The following TMTC2 variants were observed in gnomAD, a reference collection of about 807,000 sequenced individuals.
TMTC2 encodes transmembrane O-mannosyltransferase targeting cadherins 2, also known as protein O-mannosyl-transferase TMTC2.
TMTC2 carries 43 observed loss-of-function variants against 82.4 expected under a neutral mutation model. The ratio of observed to expected loss-of-function variants is 0.52; its 90% confidence interval spans 0.41 to 0.67. TMTC2 has a LOEUF of 0.67. Ranked by LOEUF, TMTC2 falls within the 30% of genes least tolerant of loss-of-function variation. The pLI, the probability that TMTC2 is intolerant of heterozygous loss-of-function variation, is 0.00. For missense variants in TMTC2, 919 were observed against 1,012.4 expected (o/e 0.91, Z 1.25); for synonymous variants, 408 against 381.9 (o/e 1.07, Z -0.80).
Position 82,985,934 on chromosome 12 carries a change from A to G in TMTC2, c.1958A>G (p.Tyr653Cys). 2 of 1,613,694 alleles carry G rather than the reference A, an allele frequency of 1.2e-6. No homozygotes were observed. The highest frequency in any genetic ancestry group is 1.1e-5 in the South Asian group (1 of 91,064). The change falls in exon 8 of 12, where the codon TAT becomes TGT. Residue 653 changes from tyrosine (Y) to cysteine (C), a missense_variant. Coordinates refer to ENST00000321196, the MANE Select transcript of TMTC2 (RefSeq NM_152588.3). ...QSLYNMMGEAYMRLSKLPEAE... is the reference protein window; with the variant it reads ...QSLYNMMGEACMRLSKLPEAE... ...TTAATTCTCTTTCCAGGTGAAGCATATATGCGTTTAAGCAAACTCCCCGAA... is the reference window on the plus strand; with the variant it reads ...TTAATTCTCTTTCCAGGTGAAGCATGTATGCGTTTAAGCAAACTCCCCGAA...
chr12:82,832,648 A>G (rs1869817225), intron 1 of TMTC2, among the ~76,000 whole-genome samples: 1 of 152,204 alleles, frequency 6.6e-6, no homozygotes, highest in Non-Finnish European at 1.5e-5. Flanking sequence ...GCTTAGCCAA[A>G]AAACAAACAC....
chr12:82,789,134 CA>C (rs1878330570), intron 1 of TMTC2, among the ~76,000 whole-genome samples: 1 of 152,154 alleles, frequency 6.6e-6, no homozygotes, highest in Non-Finnish European at 1.5e-5. Context: ...ATGGCTTCCT[CA>C]AGTCTCCAGA....
intron 7 of TMTC2, among the ~76,000 whole-genome samples, chr12:82,975,132 T>C (rs377099689): frequency 3.9e-5 from 6 of 152,284 alleles, no homozygotes; most frequent in African/African-American, 1.4e-4. Flanking sequence ...CGGCCTAATA[T>C]CTTTTAGTTC....
chr12:82,990,673 A>C (rs1879361402), intron 8 of TMTC2, among the ~76,000 whole-genome samples: 1 of 152,028 alleles, frequency 6.6e-6, no homozygotes, highest in Non-Finnish European at 1.5e-5. Context: ...GATATGGGGC[A>C]GGGGGTGAGT....
At chr12:82,944,548 G>T (rs1360003919) in intron 4 of TMTC2, among the ~76,000 whole-genome samples, 1 of 132,694 alleles carries the variant, frequency 7.5e-6, no homozygotes, top group African/African-American at 2.9e-5. Context: ...CTGCACTCCA[G>T]CCTGGGTGAC....
intron 2 of TMTC2, among the ~76,000 whole-genome samples, chr12:82,871,655 AGTG>A (rs1242822890): frequency 6.7e-6 from 1 of 148,602 alleles, no homozygotes; most frequent in Non-Finnish European, 1.5e-5. Context: ...GACAGAAAGT[AGTG>A]GTGTCTAAGT....
At chr12:82,948,721 ATC>A (rs1310771514) in intron 4 of TMTC2, among the ~76,000 whole-genome samples, 2 of 152,230 alleles carry the variant, frequency 1.3e-5, no homozygotes, top group Non-Finnish European at 2.9e-5. Flanking sequence ...ATTGCACTAA[ATC>A]TCTGTGTGCC....
chr12:82,754,356 A>G (rs1036132743), intron 1 of TMTC2, among the ~76,000 whole-genome samples: 30 of 152,348 alleles, frequency 2.0e-4, no homozygotes, highest in Admixed American at 4.6e-4. Context: ...TATAAGAAGT[A>G]TAATAGCTAT....
chr12:82,697,655 A>G (rs1303957565), intron 1 of TMTC2, among the ~76,000 whole-genome samples: 1 of 152,212 alleles, frequency 6.6e-6, no homozygotes, highest in African/African-American at 2.4e-5. Context: ...TTGAAATCCT[A>G]GGCGATGATC....
chr12:82,687,749 C>T lies in TMTC2; in HGVS notation c.83+80C>T. 6 of 1,378,740 alleles carry T rather than the reference C, an allele frequency of 4.4e-6. No homozygotes were observed. In the East Asian group the frequency reaches 9.4e-5, roughly 22 times the overall value. The allele number at this position is 1,378,740 out of a possible 1,614,324, so 85.4% of individuals were successfully genotyped here. A position where few individuals can be genotyped will look rare whatever the true frequency, so the allele number is the denominator to read the frequency against. On this transcript the variant is annotated intron_variant, in intron 1 of 11. Coordinates refer to ENST00000321196, the MANE Select transcript of TMTC2 (RefSeq NM_152588.3). The stretch of plus-strand genomic sequence containing the variant: ...CTCTGAAGCTTCCCTCTTTAAGGCT[C>T]AAAGTGCGTCTTGGAGGAACTGGTT...
chr12:82,806,810 G>C (rs999866016), intron 1 of TMTC2, among the ~76,000 whole-genome samples: 6 of 152,086 alleles, frequency 3.9e-5, no homozygotes, highest in Admixed American at 1.3e-4. Flanking sequence ...GGAAGAAGAG[G>C]GGGGTTGGTC....
chr12:83,000,274 A>T (rs143943764), intron 8 of TMTC2, among the ~76,000 whole-genome samples: 1 of 152,160 alleles, frequency 6.6e-6, no homozygotes, highest in Non-Finnish European at 1.5e-5. Context: ...AGCTGGGACT[A>T]CAGGTGTATG....
intron 1 of TMTC2, among the ~76,000 whole-genome samples, chr12:82,699,724 A>T (rs1353953438): frequency 6.6e-6 from 1 of 152,150 alleles, no homozygotes; most frequent in Non-Finnish European, 1.5e-5. Context: ...AATTATAAAA[A>T]ATGTCTTTCA....
chr12:82,850,769 G>A (rs1392264129), intron 1 of TMTC2, among the ~76,000 whole-genome samples: 2 of 151,618 alleles, frequency 1.3e-5, no homozygotes, highest in Non-Finnish European at 2.9e-5. Context: ...TAAACATGAT[G>A]AAAATAACAC....
chr12:82,828,002 C>G (rs1276524869), intron 1 of TMTC2, among the ~76,000 whole-genome samples: 1 of 151,228 alleles, frequency 6.6e-6, no homozygotes, highest in Non-Finnish European at 1.5e-5. Flanking sequence ...AAACAATTCT[C>G]CTGTCTCCGC....
At chr12:83,052,235 T>A (rs1203676358) in intron 10 of TMTC2, among the ~76,000 whole-genome samples, 8 of 151,792 alleles carry the variant, frequency 5.3e-5, no homozygotes, top group African/African-American at 7.2e-5. Flanking sequence ...AGAAGGACTA[T>A]TTTTTTTAGC....
At chr12:83,044,200 C>T (rs1882003245) in intron 9 of TMTC2, among the ~76,000 whole-genome samples, 1 of 152,058 alleles carries the variant, frequency 6.6e-6, no homozygotes, top group Non-Finnish European at 1.5e-5. Context: ...AGATGAGAGC[C>T]ACATAGAGAT....
At chr12:82,769,971 C>T (rs1877198578) in intron 1 of TMTC2, among the ~76,000 whole-genome samples, 1 of 152,072 alleles carries the variant, frequency 6.6e-6, no homozygotes, top group South Asian at 2.1e-4. Flanking sequence ...TCTCTCATCC[C>T]TGAAAAACCA....
At chr12:82,750,697 C>G (rs563342866) in intron 1 of TMTC2, among the ~76,000 whole-genome samples, 1 of 152,222 alleles carries the variant, frequency 6.6e-6, no homozygotes, top group Admixed American at 6.5e-5. Context: ...GTTTCAGACA[C>G]TATACAAAGT....
Sources: allele counts gnomAD v4.1 joint callset (sites outside exome capture counted in the v4.1 genomes callset), GRCh38; gene constraint gnomAD v4.1.1; transcripts MANE v1.5; gene names NCBI Gene and HGNC (gene_info 2026-07-23, HGNC 2026-07-21).